The following TAOK2 variants were observed in gnomAD, a reference collection of about 807,000 sequenced individuals.
TAOK2 encodes serine/threonine-protein kinase TAO2.
Under a neutral mutation model 122.5 loss-of-function variants are expected in TAOK2, and 42 were observed. The ratio of observed to expected loss-of-function variants is 0.34; its 90% CI spans 0.27 to 0.44. TAOK2 has a LOEUF of 0.44. TAOK2 is among the 20% of genes least tolerant of loss of function. The pLI is 1.00. For missense variants in TAOK2, 1,264 were observed against 1,644.9 expected (o/e 0.77, Z 4.01); for synonymous variants, 704 against 677.6 (o/e 1.04, Z -0.61).
rs763535632 is a variant in TAOK2 at position 29,987,483 on chromosome 16, C to T, written c.3211C>T (p.Arg1071Trp). Residue 1071 changes from arginine (R) to tryptophan (W), a missense_variant, in exon 16 of 16, where the codon CGG becomes TGG. Arg to Trp is a moderately radical substitution (Grantham distance 101). Transcript: ENST00000308893. ...TATGGCAGCGGGGGGCAGATGGGTG[C>T]GGCAGCAGGGCCCCCGGGTGCGCCG... is the stretch of plus-strand genomic sequence containing the variant. The part of the protein sequence containing the change: ...VAMAAGGRWV[R>W]QQGPRVRRGI... 2.1e-5 allele frequency: 34 copies of T among 1,593,154 alleles called. No individual in the cohort carries two copies. The highest frequency in any genetic ancestry group is 2.1e-4 in the Admixed American group (12 of 57,422).
rs777506344 is a variant in TAOK2 at position 29,983,315 on chromosome 16, A to G, written c.1243A>G (p.Ile415Val). ...GEHTVTSHSS[I>V]IHRLPGSDNL... ...GCACACAGTCACCTCTCACAGCTCC[A>G]TTATCCACCGGCTGCCGGTACACAG... Residue 415 changes from isoleucine to valine, a missense_variant, in exon 12 of 16, where the codon ATT becomes GTT. Transcript: ENST00000308893. 18 of 1,599,530 alleles carry G rather than the reference A, an allele frequency of 1.1e-5. No homozygotes were observed. Among genetic ancestry groups the G allele is most frequent in the African/African-American group, 2.7e-5 (2 of 74,828 alleles).
chr16:29,985,517 T>G lies in TAOK2; in HGVS notation c.1727T>G (p.Leu576Arg). 1 of 1,610,778 alleles carries G rather than the reference T, an allele frequency of 6.2e-7. No homozygotes were observed. Among genetic ancestry groups the G allele is most frequent in the South Asian group, 1.1e-5 (1 of 90,732 alleles). Residue 576 changes from leucine (L) to arginine (R), a missense_variant, in exon 14 of 16, where the codon CTG becomes CGG. Coordinates refer to ENST00000308893, the MANE Select transcript of TAOK2 (RefSeq NM_016151.4). This position sits in a 1 kb window ranked among gnomAD's most constrained non-coding sequence, Gnocchi z 6.9. ...QHILGQQKKE[L>R]AALLEAQKRT... ...ATCCTTGGGCAGCAGAAGAAGGAGC[T>G]GGCTGCCCTGCTGGAGGCACAGAAG...
Position 29,979,156 on chromosome 16 carries a change from T to C in TAOK2, c.450-39T>C. 6.2e-7 allele frequency: 1 copy of C among 1,613,686 alleles called. No homozygotes were observed. On this transcript the variant is annotated intron_variant, in intron 6 of 15. Coordinates refer to ENST00000308893, the MANE Select transcript of TAOK2 (RefSeq NM_016151.4). This position sits in a 1 kb window ranked among gnomAD's most constrained non-coding sequence, Gnocchi z 4.1. Reference sequence around the variant, plus strand: ...CTGGGCTGCCCCTGCCTAGCTTTCTTGAGACACATGTCTCATCCCTGTACT... The same window carrying C: ...CTGGGCTGCCCCTGCCTAGCTTTCTCGAGACACATGTCTCATCCCTGTACT...
Position 29,988,102 on chromosome 16 carries a change from C to T in TAOK2, c.*122C>T. The T allele has an allele frequency of 1.4e-6, 2 of 1,435,580 alleles. No homozygotes were observed. The highest frequency in any genetic ancestry group is 1.8e-6 in the Non-Finnish European group (2 of 1,099,818). The allele number at this position is 1,435,580 out of a possible 1,614,324, so 88.9% of individuals were successfully genotyped here. A position where few individuals can be genotyped will look rare whatever the true frequency, so the allele number is the denominator to read the frequency against. Reference sequence around the variant, plus strand: ...CCACCTTCCTCAGTTTGCTCACTTACCCCAGGCCCAGCCCTTCGGACCTCT... The same window carrying T: ...CCACCTTCCTCAGTTTGCTCACTTATCCCAGGCCCAGCCCTTCGGACCTCT... On this transcript the variant is annotated 3_prime_UTR_variant, in exon 16 of 16. Coordinates refer to ENST00000308893, the MANE Select transcript of TAOK2 (RefSeq NM_016151.4).
At position 29,983,064 on chromosome 16, in the gene TAOK2, G is replaced by A; in HGVS notation, c.1000-8G>A. 1 of 1,613,762 alleles carries A rather than the reference G, an allele frequency of 6.2e-7. No individual in the cohort carries two copies. Among genetic ancestry groups the A allele is most frequent in the Non-Finnish European group, 8.5e-7 (1 of 1,179,986 alleles). The stretch of plus-strand genomic sequence containing the variant: ...TTCCCTGTCCAGCAGCCTACGCCCT[G>A]TTCGCAGGAGGCCGAGCCCTACATG... On this transcript the variant is annotated splice_region_variant and splice_polypyrimidine_tract_variant and intron_variant, in intron 11 of 15. Coordinates refer to ENST00000308893, the MANE Select transcript of TAOK2 (RefSeq NM_016151.4).
chr16:29,978,701 A>G lies in TAOK2; in HGVS notation c.307-98A>G, dbSNP rs1396149081. On this transcript the variant is annotated intron_variant, in intron 4 of 15. Coordinates refer to ENST00000308893, the MANE Select transcript of TAOK2 (RefSeq NM_016151.4). ...CCAGTTGCGCTTCCTCCCTGTCATC[A>G]CCCCGGGGACATAGCTTGAGTACAG... 2.2e-6 allele frequency: 3 copies of G among 1,384,054 alleles called. No individual in the cohort carries two copies. The African/African-American group carries it at 4.3e-5, about 20-fold the overall frequency. 85.7% of individuals were successfully genotyped at this position (1,384,054 alleles called of 1,614,324 possible). A position where few individuals can be genotyped will look rare whatever the true frequency, so the allele number is the denominator to read the frequency against.
In TAOK2 at chr16:29,979,427, G is replaced by A. The variant is rs767951266; in HGVS notation, c.574G>A (p.Glu192Lys). The A allele has an allele frequency of 1.3e-6, 2 of 1,588,120 alleles. No individual in the cohort carries two copies. The highest frequency in any genetic ancestry group is 1.7e-5 in the Admixed American group (1 of 57,900). The change falls in exon 8 of 16, where the codon GAG becomes AAG. Residue 192 changes from glutamate (E) to lysine (K), a missense_variant. Around this residue, in one of 4 missense-constraint regions of TAOK2, gnomAD observed 254 missense variants for 503.8 expected, o/e 0.50. Transcript: ENST00000308893. This position sits in a 1 kb window ranked among gnomAD's most constrained non-coding sequence, Gnocchi z 4.1. Reference protein sequence around the residue: ...FVGTPYWMAPEVILAMDEGQY... With the variant: ...FVGTPYWMAPKVILAMDEGQY... ...TGACCATTCTCCTAGGATGGCACCCGAGGTGATCCTGGCCATGGATGAGGG... is the reference window on the plus strand; with the variant it reads ...TGACCATTCTCCTAGGATGGCACCCAAGGTGATCCTGGCCATGGATGAGGG...
Position 29,974,487 on chromosome 16 carries a change from C to T in TAOK2, c.-197C>T, listed in dbSNP as rs1201415115. ...GTCAGATTAGGTTGTCACCCCCTCC[C>T]CTCCAGGGGAGGCTTCCCGGGCCCG... On this transcript the variant is annotated 5_prime_UTR_variant, in exon 1 of 16. Coordinates refer to ENST00000308893, the MANE Select transcript of TAOK2 (RefSeq NM_016151.4). The T allele has an allele frequency of 6.6e-6, 1 of 152,570 alleles. No homozygotes were observed. Among genetic ancestry groups the T allele is most frequent in the Non-Finnish European group, 1.5e-5 (1 of 68,014 alleles). The allele number at this position is 152,570 out of a possible 1,614,324, so 9.5% of individuals were successfully genotyped here.
chr16:29,981,623 C>G (rs766578800), intron 8 of TAOK2, 38 bp from the exon 9 acceptor site: 4 of 1,595,988 alleles, frequency 2.5e-6, no homozygotes, highest in Non-Finnish European at 3.4e-6. Flanking sequence ...CTACCCCCTG[C>G]CACCTCTCAC....
At chr16:29,984,933 G>A (rs2069735339) in intron 13 of TAOK2, among the ~76,000 whole-genome samples, 1 of 152,212 alleles carries the variant, frequency 6.6e-6, no homozygotes, top group South Asian at 2.1e-4. Context: ...TCCCAGGTAT[G>A]TCTGACTCAC....
chr16:29,988,209 G>C lies in TAOK2; in HGVS notation c.*229G>C, dbSNP rs2069876552. ...CTCCTCCCCTAAGTTATTGCTGTTCGCCCGCTGTGTGTGCTCATCCTCACC... is the reference window on the plus strand; with the variant it reads ...CTCCTCCCCTAAGTTATTGCTGTTCCCCCGCTGTGTGTGCTCATCCTCACC... On this transcript the variant is annotated 3_prime_UTR_variant, in exon 16 of 16. Transcript: ENST00000308893. The C allele has an allele frequency of 7.0e-7, 1 of 1,432,398 alleles. No homozygotes were observed. The highest frequency in any genetic ancestry group is 2.9e-5 in the Admixed American group (1 of 34,460). 88.7% of individuals were successfully genotyped at this position (1,432,398 alleles called of 1,614,324 possible).
intron 3 of TAOK2, 38 bp from the exon 4 acceptor site, chr16:29,978,214 T>TGCAA (rs2069514430): frequency 6.2e-7 from 1 of 1,613,974 alleles, no homozygotes; most frequent in African/African-American, 1.3e-5. Flanking sequence ...TGTCTCAAGA[T>TGCAA]GCAAGCTGGG....
chr16:29,991,378 A>C (rs768479102), downstream of TAOK2: 4 of 1,582,332 alleles, frequency 2.5e-6, no homozygotes. This position sits in a 1 kb window ranked among gnomAD's most constrained non-coding sequence, Gnocchi z 5.6. Context: ...CCCCCCACAC[A>C]AAGTGGGACA....
downstream of TAOK2, chr16:29,990,834 G>T (rs2069948983): frequency 6.2e-7 from 1 of 1,613,180 alleles, no homozygotes; most frequent in Non-Finnish European, 8.5e-7. Context: ...TTCGGCAGCA[G>T]CTTCAACAGG....
At chr16:29,989,859 G>A (rs931942234), downstream of TAOK2, 48 of 1,580,282 alleles carry the variant, frequency 3.0e-5, no homozygotes, top group African/African-American at 6.0e-4. Context: ...TCTGTACTTT[G>A]CTTTAGAGAA....
chr16:29,988,561 T>C (rs950542016), downstream of TAOK2: 30 of 985,252 alleles, frequency 3.0e-5, no homozygotes, highest in Non-Finnish European at 3.4e-5. Flanking sequence ...CATAGCTTCA[T>C]TGCACCATGA....
At chr16:29,981,980 CTTGT>C in intron 10 of TAOK2, 40 bp downstream of exon 10, 1 of 1,531,534 alleles carries the variant, frequency 6.5e-7, no homozygotes, top group Non-Finnish European at 9.0e-7. Flanking sequence ...GGAACTGTAG[CTTGT>C]TACAGCCACA....
intron 4 of TAOK2, 114 bp downstream of exon 4, chr16:29,978,467 G>A (rs2069523100): frequency 1.7e-6 from 2 of 1,200,554 alleles, no homozygotes; most frequent in African/African-American, 1.5e-5. Flanking sequence ...ATCTTGGGAA[G>A]GAGGAAGTCT....
chr16:29,977,820 T>A lies in TAOK2; in HGVS notation c.48T>A (p.Ala16=), dbSNP rs773998433. 6.2e-7 allele frequency: 1 copy of A among 1,614,204 alleles called. No homozygotes were observed. The highest frequency in any genetic ancestry group is 2.2e-5 in the East Asian group (1 of 44,876). Reference sequence around the variant, plus strand: ...GGAGCCTGAAGGACCCAGATGTGGCTGAGCTCTTCTTCAAGGATGACCCAG... The same window carrying A: ...GGAGCCTGAAGGACCCAGATGTGGCAGAGCTCTTCTTCAAGGATGACCCAG... ...RAGSLKDPDV[A]ELFFKDDPEK... is the part of the protein sequence containing the mutation. Residue 16 remains alanine (A), a synonymous_variant, in exon 2 of 16, where the codon GCT becomes GCA. Coordinates refer to ENST00000308893, the MANE Select transcript of TAOK2 (RefSeq NM_016151.4).
Sources: allele counts gnomAD v4.1 joint callset (sites outside exome capture counted in the v4.1 genomes callset), GRCh38; gene constraint gnomAD v4.1.1; regional missense constraint gnomAD v4.1.1; non-coding constraint Gnocchi (gnomAD v3.1); transcripts MANE v1.5; gene names NCBI Gene and HGNC (gene_info 2026-07-23, HGNC 2026-07-21).